The following PCDH9 variants were observed in gnomAD, a reference collection of about 807,000 sequenced individuals.
PCDH9 encodes the protein protocadherin-9.
PCDH9 carries 24 observed loss-of-function variants against 70.6 expected under a neutral mutation model. The observed-to-expected ratio is 0.34, with a 90% CI of 0.25 to 0.48. The LOEUF is 0.48. Ranked by LOEUF, PCDH9 falls within the 20% of genes least tolerant of loss-of-function variation. The pLI, the probability that PCDH9 is intolerant of heterozygous loss-of-function variation, is 0.99. For synonymous variants in PCDH9, 562 were observed against 558.5 expected (o/e 1.01, Z -0.09); for missense variants, 1,281 against 1,503.6 (o/e 0.85, Z 2.45).
At chr13:66,549,534 T>G (rs1961379449) in intron 4 of PCDH9, among the ~76,000 whole-genome samples, 1 of 152,126 alleles carries the variant, frequency 6.6e-6, no homozygotes. Flanking sequence ...CACTTATTTT[T>G]TTTTAAAAAA....
chr13:66,452,340 A>G (rs899273726), intron 4 of PCDH9, among the ~76,000 whole-genome samples: 1 of 152,306 alleles, frequency 6.6e-6, no homozygotes, highest in South Asian at 2.1e-4. Flanking sequence ...TAGCATAATA[A>G]ACATGCCCCT....
intron 2 of PCDH9, among the ~76,000 whole-genome samples, chr13:66,935,089 G>C (rs1476079080): frequency 6.6e-6 from 1 of 150,974 alleles, no homozygotes; most frequent in East Asian, 2.0e-4. Context: ...TTGGAGACGG[G>C]GTCTCAATCT....
intron 3 of PCDH9, among the ~76,000 whole-genome samples, chr13:66,887,598 T>G (rs1020671811): frequency 2.0e-5 from 3 of 152,246 alleles, no homozygotes; most frequent in Admixed American, 6.5e-5. Context: ...CTATCACTAC[T>G]AGCTGCTGCT....
chr13:66,520,177 CT>C (rs1959925065), intron 4 of PCDH9, among the ~76,000 whole-genome samples: 1 of 152,084 alleles, frequency 6.6e-6, no homozygotes, highest in Non-Finnish European at 1.5e-5. Context: ...TTTTTAGCAT[CT>C]TTTGTTTTGA....
At chr13:66,440,798 T>C (rs1202599180) in intron 4 of PCDH9, among the ~76,000 whole-genome samples, 1 of 152,128 alleles carries the variant, frequency 6.6e-6, no homozygotes, top group Non-Finnish European at 1.5e-5. Context: ...CCTCATATTC[T>C]TATTCCTATT....
intron 2 of PCDH9, among the ~76,000 whole-genome samples, chr13:66,990,404 T>G (rs1252103786): frequency 6.6e-6 from 1 of 151,662 alleles, no homozygotes; most frequent in Non-Finnish European, 1.5e-5. Context: ...TCTAAAAGAA[T>G]ATATTAAGCA....
intron 2 of PCDH9, among the ~76,000 whole-genome samples, chr13:67,005,817 T>C (rs1476360986): frequency 3.9e-5 from 6 of 152,236 alleles, no homozygotes; most frequent in Non-Finnish European, 8.8e-5. Flanking sequence ...ATAATTCTGC[T>C]TATTTCATAG....
chr13:66,630,409 A>G (rs1404239439), intron 4 of PCDH9, among the ~76,000 whole-genome samples: 1 of 152,130 alleles, frequency 6.6e-6, no homozygotes, highest in Non-Finnish European at 1.5e-5. Flanking sequence ...TCTTTTATTT[A>G]TTTATTTAAT....
intron 4 of PCDH9, among the ~76,000 whole-genome samples, chr13:66,382,056 T>C (rs1566283658): frequency 6.6e-6 from 1 of 152,108 alleles, no homozygotes; most frequent in Non-Finnish European, 1.5e-5. Flanking sequence ...GTTCCAATGA[T>C]TTATTCTACA....
chr13:66,561,512 C>G (rs577276429), intron 4 of PCDH9, among the ~76,000 whole-genome samples: 34 of 152,316 alleles, frequency 2.2e-4, no homozygotes, highest in African/African-American at 7.5e-4. Context: ...CTTGGAGAAC[C>G]TTTATGTCTA....
intron 4 of PCDH9, among the ~76,000 whole-genome samples, chr13:66,627,990 A>G (rs113045648): frequency 3.9e-5 from 6 of 152,306 alleles, no homozygotes; most frequent in African/African-American, 1.4e-4. Flanking sequence ...AGCATACTTT[A>G]AAAGCTAGGA....
At chr13:67,191,147 C>A (rs2088899302) in intron 2 of PCDH9, among the ~76,000 whole-genome samples, 1 of 152,014 alleles carries the variant, frequency 6.6e-6, no homozygotes, top group Non-Finnish European at 1.5e-5. Context: ...GAAAACAATT[C>A]ACTCTCTGAG....
intron 3 of PCDH9, among the ~76,000 whole-genome samples, chr13:66,838,614 C>G (rs1453884279): frequency 6.6e-6 from 1 of 151,696 alleles, no homozygotes; most frequent in Non-Finnish European, 1.5e-5. Context: ...TTCATGCTAG[C>G]ATGAAAAACT....
chr13:66,502,051 A>G (rs1959179508), intron 4 of PCDH9, among the ~76,000 whole-genome samples: 1 of 152,136 alleles, frequency 6.6e-6, no homozygotes, highest in African/African-American at 2.4e-5. Flanking sequence ...CAATTTTGCC[A>G]ATTGCCAGTT....
chr13:66,902,661 G>A (rs2082295523), intron 3 of PCDH9, among the ~76,000 whole-genome samples: 2 of 151,538 alleles, frequency 1.3e-5, no homozygotes, highest in Non-Finnish European at 3.0e-5. Flanking sequence ...CAGTATGTAT[G>A]TTTTAATATT....
chr13:66,347,157 T>C (rs146835225), intron 4 of PCDH9, among the ~76,000 whole-genome samples: 1 of 152,196 alleles, frequency 6.6e-6, no homozygotes, highest in Non-Finnish European at 1.5e-5. Flanking sequence ...AATTTAAGAA[T>C]GTCTCCAAAG....
At chr13:66,800,353 C>A (rs139043792) in intron 3 of PCDH9, among the ~76,000 whole-genome samples, 7 of 152,074 alleles carry the variant, frequency 4.6e-5, no homozygotes, top group African/African-American at 1.7e-4. Flanking sequence ...ACAATTCCTA[C>A]CTATTCAAAA....
chr13:66,439,027 C>T (rs1957927916), intron 4 of PCDH9, among the ~76,000 whole-genome samples: 1 of 152,016 alleles, frequency 6.6e-6, no homozygotes, highest in African/African-American at 2.4e-5. Flanking sequence ...GATGGAATTC[C>T]AAGATAATGA....
At chr13:66,644,373 A>G (rs1003823340) in intron 3 of PCDH9, among the ~76,000 whole-genome samples, 3 of 151,978 alleles carry the variant, frequency 2.0e-5, no homozygotes, top group Non-Finnish European at 4.4e-5. Context: ...TCAATAAGAC[A>G]GTGTATATAA....
Sources: allele counts gnomAD v4.1 joint callset (sites outside exome capture counted in the v4.1 genomes callset), GRCh38; gene constraint gnomAD v4.1.1; transcripts MANE v1.5; gene names NCBI Gene and HGNC (gene_info 2026-07-23, HGNC 2026-07-21).